The following PEBP4 variants were observed in gnomAD, a reference collection of about 807,000 sequenced individuals.
The protein encoded by PEBP4 is phosphatidylethanolamine binding protein 4.
Under a neutral mutation model 23.9 loss-of-function variants are expected in PEBP4, and 22 were observed. The ratio of observed to expected loss-of-function variants is 0.92; its 90% confidence interval spans 0.66 to 1.31. The LOEUF is 1.31. PEBP4 is among the 40% of genes most tolerant of loss of function. The pLI is 0.00. For synonymous variants in PEBP4, 112 were observed against 99.3 expected, an observed-to-expected ratio of 1.13 and a Z score of -0.76; for missense variants, 324 against 281.7, an observed-to-expected ratio of 1.15 and a Z score of -1.07.
At chr8:22,833,763 G>A (rs1585298103) in intron 3 of PEBP4, among the ~76,000 whole-genome samples, 3 of 152,228 alleles carry the variant, frequency 2.0e-5, no homozygotes, top group African/African-American at 7.2e-5. Flanking sequence ...GCCTTAATGT[G>A]AGAATCACCA....
At chr8:22,751,338 G>C (rs1265605579) in intron 4 of PEBP4, among the ~76,000 whole-genome samples, 1 of 152,160 alleles carries the variant, frequency 6.6e-6, no homozygotes, top group Non-Finnish European at 1.5e-5. Flanking sequence ...TGCCACTCTT[G>C]GGGGTGGTCG....
intron 6 of PEBP4, among the ~76,000 whole-genome samples, chr8:22,719,251 G>A (rs1050252743): frequency 6.6e-6 from 1 of 152,208 alleles, no homozygotes; most frequent in South Asian, 2.1e-4. Context: ...TCTCTTGCCC[G>A]TTAGTTTCCA....
At chr8:22,722,685 G>T (rs1405177654) in intron 6 of PEBP4, among the ~76,000 whole-genome samples, 1 of 152,202 alleles carries the variant, frequency 6.6e-6, no homozygotes, top group East Asian at 1.9e-4. Context: ...TGTCTCCTCT[G>T]AAGTTCCCAG....
chr8:22,867,824 C>G (rs774737302), intron 3 of PEBP4, among the ~76,000 whole-genome samples: 9 of 152,214 alleles, frequency 5.9e-5, no homozygotes, highest in Admixed American at 2.0e-4. Flanking sequence ...AAACTCGGCT[C>G]TTGCTTGGGC....
intron 3 of PEBP4, among the ~76,000 whole-genome samples, chr8:22,876,341 C>T (rs1387692093): frequency 6.6e-6 from 1 of 152,230 alleles, no homozygotes; most frequent in Non-Finnish European, 1.5e-5. Flanking sequence ...GATCTCAGCA[C>T]TTTCTGCATC....
intron 4 of PEBP4, among the ~76,000 whole-genome samples, chr8:22,774,762 C>T (rs1805782111): frequency 6.6e-6 from 1 of 152,196 alleles, no homozygotes; most frequent in Admixed American, 6.5e-5. Context: ...TCCTGGCCAT[C>T]CCCGAGGCTG....
rs565493795 is a variant in PEBP4, at chr8:22,863,255, GCAGGGGAGTCCCT to G, written c.259-45533_259-45521del. On this transcript the variant is annotated intron_variant, in intron 3 of 6. Transcript: ENST00000256404. ...GCCCCAGTAGACAAAGCTGCTGAATGCAGGGGAGTCCCTCATGCTCCCTTCCTCTCTGTGTGTC... is the reference window on the plus strand; with the variant it reads ...GCCCCAGTAGACAAAGCTGCTGAATGCATGCTCCCTTCCTCTCTGTGTGTC... Among the ~76,000 whole-genome samples the G allele has an allele frequency of 2.6e-5, 4 of 152,238 alleles. No homozygotes were observed. The South Asian group carries it at 8.3e-4, about 32-fold the overall frequency.
chr8:22,848,230 T>C (rs780124198), intron 3 of PEBP4, among the ~76,000 whole-genome samples: 1 of 152,142 alleles, frequency 6.6e-6, no homozygotes, highest in Non-Finnish European at 1.5e-5. Context: ...ATGAATTCCA[T>C]TTGTGTCAGT....
At position 22,927,893 on chromosome 8, in the gene PEBP4, A is replaced by G; in HGVS notation, c.-77T>C. The G allele has an allele frequency of 3.0e-6, 2 of 665,008 alleles. No homozygotes were observed. Among genetic ancestry groups the G allele is most frequent in the Non-Finnish European group, 4.9e-6 (2 of 409,458 alleles). 41.2% of individuals were successfully genotyped at this position (665,008 alleles called of 1,614,324 possible). A position where few individuals can be genotyped will look rare whatever the true frequency, so the allele number is the denominator to read the frequency against. ...GCAGCTAATCCAGTCCACCACCCGG[A>G]CACAAGTACTTTGGGAGGACTGGGC... On this transcript the variant is annotated 5_prime_UTR_variant, in exon 1 of 7. Coordinates refer to ENST00000256404, the MANE Select transcript of PEBP4 (RefSeq NM_144962.3).
In PEBP4 at chr8:22,724,908, T is replaced by C. The variant is rs984067625; in HGVS notation, c.452A>G (p.Gln151Arg). Residue 151 changes from glutamine to arginine, a missense_variant, in exon 6 of 7, where the codon CAG becomes CGG. By Grantham distance (43) the Gln-to-Arg change is conservative (BLOSUM62 1). Coordinates refer to ENST00000256404, the MANE Select transcript of PEBP4 (RefSeq NM_144962.3). ...PPAHSGFHRYQFFVYLQEGKV... is the reference protein window; with the variant it reads ...PPAHSGFHRYRFFVYLQEGKV... The stretch of plus-strand genomic sequence containing the variant: ...TCCTTCCTGAAGATAGACAAAGAAC[T>C]GGTAGCGATGGAAGCCACTGTGTGC... 3.2e-5 allele frequency: 51 copies of C among 1,614,080 alleles called. No homozygotes were observed. Among genetic ancestry groups the C allele is most frequent in the Non-Finnish European group, 4.3e-5 (51 of 1,180,040 alleles).
At chr8:22,863,940 G>A (rs980512710) in intron 3 of PEBP4, among the ~76,000 whole-genome samples, 1 of 152,112 alleles carries the variant, frequency 6.6e-6, no homozygotes, top group Non-Finnish European at 1.5e-5. Flanking sequence ...TGTCTGGTCC[G>A]GACTTTTATC....
intron 4 of PEBP4, among the ~76,000 whole-genome samples, chr8:22,772,549 A>G (rs1389705935): frequency 7.1e-6 from 1 of 141,216 alleles, no homozygotes; most frequent in East Asian, 2.0e-4. Context: ...AGGCTGGAGT[A>G]AAATGCTGTG....
intron 4 of PEBP4, among the ~76,000 whole-genome samples, chr8:22,782,017 G>T (rs1475253555): frequency 6.6e-6 from 1 of 152,216 alleles, no homozygotes; most frequent in African/African-American, 2.4e-5. Flanking sequence ...TGGGTGAGAG[G>T]ATCTGGGATT....
At chr8:22,792,936 A>C (rs761671805) in intron 4 of PEBP4, among the ~76,000 whole-genome samples, 1 of 152,198 alleles carries the variant, frequency 6.6e-6, no homozygotes, top group Non-Finnish European at 1.5e-5. Flanking sequence ...TTCTTTTTAT[A>C]TTCCCCACCA....
chr8:22,790,487 A>G (rs1806116960), intron 4 of PEBP4, among the ~76,000 whole-genome samples: 2 of 152,202 alleles, frequency 1.3e-5, no homozygotes, highest in African/African-American at 4.8e-5. Flanking sequence ...CGGAAGAGGA[A>G]GACATCCCAG....
intron 4 of PEBP4, among the ~76,000 whole-genome samples, chr8:22,780,660 A>T (rs1317342746): frequency 6.6e-6 from 1 of 152,164 alleles, no homozygotes; most frequent in Non-Finnish European, 1.5e-5. Flanking sequence ...CTCCCCTGCC[A>T]TACACCCACC....
At chr8:22,809,129 G>A (rs1806562942) in intron 4 of PEBP4, among the ~76,000 whole-genome samples, 1 of 152,224 alleles carries the variant, frequency 6.6e-6, no homozygotes, top group African/African-American at 2.4e-5. Flanking sequence ...GAAAGAGCCA[G>A]CATATACATA....
intron 3 of PEBP4, among the ~76,000 whole-genome samples, chr8:22,902,094 G>A (rs1808724034): frequency 6.6e-6 from 1 of 151,880 alleles, no homozygotes; most frequent in African/African-American, 2.4e-5. Flanking sequence ...TGAGGCGGGT[G>A]GATCACCTGA....
At chr8:22,924,629 T>A in intron 2 of PEBP4, 1 of 982,974 alleles carries the variant, frequency 1.0e-6, no homozygotes, top group East Asian at 1.1e-4. Context: ...AGAACGGAGC[T>A]TTTCAACACC....
Sources: gnomAD v4.1 joint callset for allele counts (sites outside exome capture counted in the v4.1 genomes callset) on GRCh38, gnomAD v4.1.1 for gene constraint, MANE v1.5 for transcripts, NCBI Gene and HGNC (gene_info 2026-07-23, HGNC 2026-07-21) for gene names.